The following KCNIP1 variants were observed in gnomAD, a reference collection of about 807,000 sequenced individuals.
The protein encoded by KCNIP1 is A-type potassium channel modulatory protein KCNIP1.
Under a neutral mutation model 33.0 loss-of-function variants are expected in KCNIP1, and 18 were observed. The ratio of observed to expected loss-of-function variants is 0.55; its 90% CI spans 0.38 to 0.81. The LOEUF is 0.81. Among genes scored for constraint, KCNIP1 ranks in the 30% least tolerant of loss-of-function variants. The pLI is 0.00. For missense variants in KCNIP1, 238 were observed against 271.6 expected, an observed-to-expected ratio of 0.88 and a Z score of 0.87; for synonymous variants, 93 against 98.3, an observed-to-expected ratio of 0.95 and a Z score of 0.32.
chr5:170,733,856 T>G lies in KCNIP1; in HGVS notation c.561T>G (p.Asp187Glu). The change falls in exon 7 of 8, where the codon GAT (aspartate) becomes GAG (glutamate). Residue 187 changes from aspartate to glutamate, a missense_variant. Coordinates refer to ENST00000328939, the MANE Select transcript of KCNIP1 (RefSeq NM_014592.4). ...TTCAGAAAATGGACAAAAATAAAGA[T>G]GGCATCGTAACTTTAGATGAATTTC... ...VFFQKMDKNK[D>E]GIVTLDEFLE... 6.2e-7 allele frequency: 1 copy of G among 1,613,768 alleles called. No individual in the cohort carries two copies. Among genetic ancestry groups the G allele is most frequent in the Non-Finnish European group, 8.5e-7 (1 of 1,179,700 alleles).
intron 1 of KCNIP1, chr5:170,378,574 G>C (rs1166146112): frequency 1.0e-6 from 1 of 969,118 alleles, no homozygotes; most frequent in African/African-American, 1.6e-5. Context: ...TGCAACAGAA[G>C]ACAGCGTGGA....
chr5:170,628,448 G>A (rs1442150373), intron 1 of KCNIP1, among the ~76,000 whole-genome samples: 1 of 152,186 alleles, frequency 6.6e-6, no homozygotes, highest in Non-Finnish European at 1.5e-5. Context: ...AAGTGTTAAA[G>A]TCAGAATTTC....
chr5:170,419,427 C>T (rs1581174687), intron 1 of KCNIP1, among the ~76,000 whole-genome samples: 1 of 152,142 alleles, frequency 6.6e-6, no homozygotes, highest in Admixed American at 6.5e-5. Context: ...CTAGACTCTA[C>T]CCATGGAAGA....
In KCNIP1 at chr5:170,509,298, A is replaced by G. The variant is rs143372883; in HGVS notation, c.61+4665A>G. Reference sequence around the variant, plus strand: ...GTATGAGGAACCCACACCCAGCACCAGGCACAGTTCTGGTCCCTCAATCCC... The same window carrying G: ...GTATGAGGAACCCACACCCAGCACCGGGCACAGTTCTGGTCCCTCAATCCC... On this transcript the variant is annotated intron_variant, in intron 1 of 7. Transcript: ENST00000328939. Among the ~76,000 whole-genome samples, 1,016 of 152,346 alleles carry G rather than the reference A, an allele frequency of 6.7e-3. 7 individuals carry two copies. Among genetic ancestry groups the G allele is most frequent in the Non-Finnish European group, 9.1e-3 (620 of 68,042 alleles).
At chr5:170,469,759 T>C (rs984994984) in intron 1 of KCNIP1, among the ~76,000 whole-genome samples, 1 of 152,228 alleles carries the variant, frequency 6.6e-6, no homozygotes, top group African/African-American at 2.4e-5. Flanking sequence ...TTCCCATTTG[T>C]ATCTGGGTCT....
intron 1 of KCNIP1, chr5:170,561,098 A>C (rs1561687501): frequency 2.2e-6 from 1 of 456,028 alleles, no homozygotes; most frequent in East Asian, 7.0e-5. Flanking sequence ...CACTTACCAA[A>C]GGGCATCTGT....
chr5:170,651,798 C>A (rs577401504), intron 1 of KCNIP1, among the ~76,000 whole-genome samples: 1 of 152,244 alleles, frequency 6.6e-6, no homozygotes, highest in Admixed American at 6.5e-5. Flanking sequence ...TTATATGGTA[C>A]CTATCACTGC....
intron 1 of KCNIP1, among the ~76,000 whole-genome samples, chr5:170,559,138 C>T (rs893072745): frequency 5.9e-5 from 9 of 152,212 alleles, no homozygotes; most frequent in Non-Finnish European, 8.8e-5. Flanking sequence ...CTCAAGGCAG[C>T]ATCCACCTTC....
chr5:170,680,082 A>C (rs1762278872), intron 1 of KCNIP1, among the ~76,000 whole-genome samples: 1 of 152,196 alleles, frequency 6.6e-6, no homozygotes, highest in African/African-American at 2.4e-5. Context: ...TCAAAATCTG[A>C]CACCAATATG....
intron 1 of KCNIP1, among the ~76,000 whole-genome samples, chr5:170,643,574 G>A (rs1561737975): frequency 6.6e-6 from 1 of 152,186 alleles, no homozygotes; most frequent in African/African-American, 2.4e-5. Flanking sequence ...TGCATAATAG[G>A]TGCCCAGGAA....
chr5:170,503,899 T>C (rs1754580888), upstream of KCNIP1: 1 of 352,412 alleles, frequency 2.8e-6, no homozygotes, highest in African/African-American at 2.2e-5. Context: ...CAGATGAGGG[T>C]GCGCAGGGGT....
At chr5:170,674,162 A>AG (rs1438850517) in intron 1 of KCNIP1, among the ~76,000 whole-genome samples, 10 of 72,518 alleles carry the variant, frequency 1.4e-4, no homozygotes, top group South Asian at 8.7e-4. Flanking sequence ...GAAGGAAGGA[A>AG]GGAAGGAAGG....
At chr5:170,564,531 T>C (rs1757141771) in intron 1 of KCNIP1, among the ~76,000 whole-genome samples, 1 of 152,222 alleles carries the variant, frequency 6.6e-6, no homozygotes, top group Non-Finnish European at 1.5e-5. Context: ...CTCAGATTCC[T>C]AGCTTTTCCC....
Position 170,413,606 on chromosome 5 carries a change from G to A in KCNIP1, c.88+59642G>A, listed in dbSNP as rs527331297. Among the ~76,000 whole-genome samples, 5 of 152,260 alleles carry A rather than the reference G, an allele frequency of 3.3e-5. No individual in the cohort carries two copies. In the South Asian group the frequency reaches 6.2e-4, roughly 19 times the overall value. On this transcript the variant is annotated intron_variant, in intron 1 of 7. Transcript: ENST00000377360. ...TTGTGAAGGCCGAGGAATTAAGCAC[G>A]GCGAGAGATTTTTGGAAGCTGCAAA...
intron 1 of KCNIP1, among the ~76,000 whole-genome samples, chr5:170,534,944 C>T (rs1009225072): frequency 6.2e-4 from 95 of 152,164 alleles, no homozygotes; most frequent in African/African-American, 2.1e-3. Flanking sequence ...CCTCGGTTTC[C>T]CAGAGTCTGA....
chr5:170,647,157 T>C (rs1760818368), intron 1 of KCNIP1, among the ~76,000 whole-genome samples: 1 of 152,172 alleles, frequency 6.6e-6, no homozygotes, highest in Admixed American at 6.5e-5. Flanking sequence ...TAGGAAACCT[T>C]GGTATTGTCA....
chr5:170,428,889 G>A lies in KCNIP1; in HGVS notation c.88+74925G>A, dbSNP rs982591810. 5.3e-5 allele frequency among the ~76,000 whole-genome samples: 8 copies of A among 152,200 alleles called. No homozygotes were observed. The South Asian group carries it at 8.3e-4, about 16-fold the overall frequency. ...GCTGTGAGGGCTAAATAAAAAGGGC[G>A]TGAGAGGTCTGCCCTCTGCTTGTAC... On this transcript the variant is annotated intron_variant, in intron 1 of 7. Coordinates refer to the KCNIP1 transcript ENST00000377360.
At chr5:170,363,024 C>T (rs4867601) in intron 1 of KCNIP1, among the ~76,000 whole-genome samples, 24,924 of 152,180 alleles carry the variant, frequency 0.16, 2,158 homozygotes, top group Admixed American at 0.19. Flanking sequence ...TCATTTCAAA[C>T]GCAACAGGAA....
chr5:170,632,017 G>A (rs1367730507), intron 1 of KCNIP1, among the ~76,000 whole-genome samples: 1 of 152,196 alleles, frequency 6.6e-6, no homozygotes, highest in Admixed American at 6.5e-5. Flanking sequence ...ACAGACAGGG[G>A]GAGCTAAAGG....
Sources: gnomAD v4.1 joint callset for allele counts (sites outside exome capture counted in the v4.1 genomes callset) on GRCh38, gnomAD v4.1.1 for gene constraint, MANE v1.5 for transcripts, NCBI Gene and HGNC (gene_info 2026-07-23, HGNC 2026-07-21) for gene names.